Variants in KSR2 observed in about 807,000 individuals in gnomAD.
The protein encoded by KSR2 is kinase suppressor of ras 2.
KSR2 carries 25 observed loss-of-function variants against 107.8 expected under a neutral mutation model. The observed-to-expected ratio is 0.23, with a 90% CI of 0.17 to 0.32. The LOEUF (loss-of-function observed/expected upper bound fraction) is 0.32, where lower values mean the gene tolerates loss of function less well. Ranked by LOEUF, KSR2 falls within the 10% of genes least tolerant of loss-of-function variation. The probability of loss-of-function intolerance (pLI) is 1.00; values close to 1 mark genes in which losing one functional copy is unlikely to be tolerated. For missense variants in KSR2, 887 were observed against 1,268.9 expected (o/e 0.70, Z 4.57); for synonymous variants, 480 against 507.0 (o/e 0.95, Z 0.71).
rs550893914 is a variant in KSR2, at chr12:117,891,023, G to A, written c.181-30592C>T. 3 of 152,260 alleles carry A rather than the reference G, an allele frequency of 2.0e-5. No homozygotes were observed. In the South Asian group the frequency reaches 6.2e-4, roughly 32 times the overall value. The allele number at this position is 152,260 out of a possible 1,614,324, so 9.4% of individuals were successfully genotyped here. ...TTCAAAGGTCACATAAGAGGTCAAT[G>A]GCAGAATAAAGGCAGTAGGGGACAA... On this transcript the variant is annotated intron_variant, in intron 1 of 19. Transcript: ENST00000339824.
chr12:117,812,612 A>T (rs932361163), intron 3 of KSR2, among the ~76,000 whole-genome samples: 1 of 152,134 alleles, frequency 6.6e-6, no homozygotes, highest in Non-Finnish European at 1.5e-5. Context: ...AGTCCCCTCT[A>T]CAAGGAAAGC....
intron 9 of KSR2, among the ~76,000 whole-genome samples, chr12:117,547,183 A>T (rs1334255533): frequency 6.6e-6 from 1 of 152,160 alleles, no homozygotes; most frequent in African/African-American, 2.4e-5. Flanking sequence ...CTGCCTTGCT[A>T]TTGCCAGGGA....
chr12:117,757,155 A>C (rs939399455), intron 4 of KSR2, among the ~76,000 whole-genome samples: 5 of 152,210 alleles, frequency 3.3e-5, no homozygotes, highest in Admixed American at 1.3e-4. Flanking sequence ...CAACATTAAC[A>C]GGAGTTTGGA....
intron 1 of KSR2, among the ~76,000 whole-genome samples, chr12:117,951,414 G>C (rs1566096846): frequency 1.3e-5 from 2 of 152,130 alleles, no homozygotes; most frequent in African/African-American, 2.4e-5. Flanking sequence ...CACTTAACAA[G>C]TTCTCCTTTT....
intron 1 of KSR2, among the ~76,000 whole-genome samples, chr12:117,874,480 G>A (rs1448986913): frequency 6.6e-6 from 1 of 152,072 alleles, no homozygotes; most frequent in Non-Finnish European, 1.5e-5. Flanking sequence ...CAATCCTCCT[G>A]CCTTGGTCTC....
At chr12:117,676,451 A>C (rs1056113134) in intron 4 of KSR2, among the ~76,000 whole-genome samples, 1 of 152,320 alleles carries the variant, frequency 6.6e-6, no homozygotes, top group East Asian at 1.9e-4. Context: ...TATTTTCTAT[A>C]TGCAAAAGAT....
intron 4 of KSR2, among the ~76,000 whole-genome samples, chr12:117,744,625 C>T (rs1168670341): frequency 7.9e-5 from 12 of 152,194 alleles, no homozygotes; most frequent in Admixed American, 7.2e-4. Context: ...CACTCTGCAG[C>T]CACTGACAGC....
intron 4 of KSR2, among the ~76,000 whole-genome samples, chr12:117,730,488 CTCTCCCTCTCCCCCTTCCACGG>C (rs1360865764): frequency 7.5e-5 from 6 of 80,062 alleles, no homozygotes; most frequent in Non-Finnish European, 1.1e-4. Flanking sequence ...CTCGTCTCCC[CTCTCCCTCTCCCCCTTCCACGG>C]TCTCCCTCTC....
intron 18 of KSR2, 62 bp downstream of exon 18, chr12:117,471,129 G>A: frequency 6.3e-7 from 1 of 1,577,402 alleles, no homozygotes; most frequent in Non-Finnish European, 8.6e-7. Context: ...GTAAAAAGAA[G>A]GCCCATGACT....
chr12:117,712,719 C>A (rs1294473850), intron 4 of KSR2, among the ~76,000 whole-genome samples: 2 of 152,186 alleles, frequency 1.3e-5, no homozygotes, highest in Non-Finnish European at 2.9e-5. Context: ...ACTGGCAGAC[C>A]ACCAGGGCTT....
At chr12:117,514,163 G>C (rs1874215272) in intron 14 of KSR2, among the ~76,000 whole-genome samples, 1 of 152,240 alleles carries the variant, frequency 6.6e-6, no homozygotes, top group Non-Finnish European at 1.5e-5. Flanking sequence ...TTGGTAAATA[G>C]TGAAAGCTGT....
chr12:117,468,884 T>C (rs1871282863), intron 19 of KSR2, among the ~76,000 whole-genome samples: 1 of 152,160 alleles, frequency 6.6e-6, no homozygotes, highest in Non-Finnish European at 1.5e-5. Context: ...TATAGAGGTA[T>C]GTTTTTAAGT....
rs766653273 is a variant in KSR2 at position 117,855,590 on chromosome 12, GAGA to G, written c.322-15_322-13del. ...CCGGGGGAGATTTCCTAGAGGAGGG[GAGA>G]AGGATTGTCAACCGTGGGGCAGGAA... On this transcript the variant is annotated splice_polypyrimidine_tract_variant and intron_variant, in intron 2 of 19. Transcript: ENST00000339824. The G allele has an allele frequency of 9.9e-6, 16 of 1,613,650 alleles. No homozygotes were observed. The highest frequency in any genetic ancestry group is 5.3e-5 in the African/African-American group (4 of 74,924).
At chr12:117,731,420 G>A (rs1455664022) in intron 4 of KSR2, among the ~76,000 whole-genome samples, 1 of 135,184 alleles carries the variant, frequency 7.4e-6, no homozygotes, top group South Asian at 2.1e-4. Flanking sequence ...GGGAGGTGGG[G>A]GGCAGCCCCC....
At chr12:117,774,725 A>C (rs940170427) in intron 3 of KSR2, among the ~76,000 whole-genome samples, 47 of 152,226 alleles carry the variant, frequency 3.1e-4, no homozygotes, top group African/African-American at 1.1e-3. Context: ...CACTTAGTAC[A>C]TTCTCAATGT....
chr12:117,713,821 C>T (rs952733922), intron 4 of KSR2, among the ~76,000 whole-genome samples: 3 of 151,570 alleles, frequency 2.0e-5, no homozygotes, highest in Non-Finnish European at 2.9e-5. Flanking sequence ...AGGGATGAGG[C>T]GAAAACACAA....
At position 117,796,732 on chromosome 12, in the gene KSR2, G is replaced by C. The variant is rs1027737066; in HGVS notation, c.473-35208C>G. On this transcript the variant is annotated intron_variant, in intron 3 of 19. Transcript: ENST00000339824. The stretch of plus-strand genomic sequence containing the variant: ...GGCTCACAAGATGCAACTTACCTCT[G>C]CTTCCCCTTAACAAGGTGGCTTAAG... 5.5e-4 allele frequency among the ~76,000 whole-genome samples: 83 copies of C among 152,128 alleles called. 1 individual carries two copies. The highest frequency in any genetic ancestry group is 1.9e-3 in the African/African-American group (79 of 41,420).
At chr12:117,942,978 T>C (rs1223136932) in intron 1 of KSR2, among the ~76,000 whole-genome samples, 1 of 152,208 alleles carries the variant, frequency 6.6e-6, no homozygotes, top group East Asian at 1.9e-4. Context: ...AGAAATGCTA[T>C]AAAATATAGT....
At chr12:117,477,341 G>GATTACAAATAC (rs1273854824) in intron 16 of KSR2, among the ~76,000 whole-genome samples, 1 of 152,200 alleles carries the variant, frequency 6.6e-6, no homozygotes, top group Non-Finnish European at 1.5e-5. Context: ...TGATTTGGGG[G>GATTACAAATAC]ATTACAAATA....
Sources: gnomAD v4.1 joint callset for allele counts (sites outside exome capture counted in the v4.1 genomes callset) on GRCh38, gnomAD v4.1.1 for gene constraint, MANE v1.5 for transcripts, NCBI Gene and HGNC (gene_info 2026-07-23, HGNC 2026-07-21) for gene names.